Variants in ABCA13 observed in about 807,000 individuals in gnomAD.
ABCA13 encodes ATP-binding cassette sub-family A member 13.
Under a neutral mutation model 478.7 loss-of-function variants are expected in ABCA13, and 476 were observed. That is an observed-to-expected ratio of 0.99 (90% CI 0.92 to 1.07). The LOEUF is 1.07. Ranked by LOEUF, ABCA13 falls within the 50% of genes least tolerant of loss-of-function variation. The probability of loss-of-function intolerance (pLI) is 0.00; values close to 1 mark genes in which losing one functional copy is unlikely to be tolerated. For missense variants in ABCA13, 6,060 were observed against 5,910.6 expected (o/e 1.03, Z -0.83); for synonymous variants, 2,252 against 2,158.9 (o/e 1.04, Z -1.20).
intron 23 of ABCA13, among the ~76,000 whole-genome samples, chr7:48,303,881 C>A (rs1392305002): frequency 6.6e-6 from 1 of 152,132 alleles, no homozygotes; most frequent in African/African-American, 2.4e-5. Context: ...AGAAAGATTA[C>A]CATGGCATAG....
chr7:48,204,725 A>G (rs913190204), intron 3 of ABCA13, among the ~76,000 whole-genome samples: 2 of 152,062 alleles, frequency 1.3e-5, no homozygotes, highest in Non-Finnish European at 2.9e-5. Context: ...ACACAGCCCA[A>G]GGTCTTCCTC....
intron 2 of ABCA13, among the ~76,000 whole-genome samples, chr7:48,196,114 G>A (rs1797894296): frequency 6.6e-6 from 1 of 152,146 alleles, no homozygotes; most frequent in South Asian, 2.1e-4. Context: ...GCAAAATTGT[G>A]AATGATTTAG....
chr7:48,442,903 G>A (rs773410219), intron 42 of ABCA13, among the ~76,000 whole-genome samples: 24 of 152,170 alleles, frequency 1.6e-4, no homozygotes, highest in Non-Finnish European at 2.6e-4. Context: ...TGCGCTGGTG[G>A]TACGGACTGA....
At position 48,396,197 on chromosome 7, in the gene ABCA13, C is replaced by G. The variant is rs543370379; in HGVS notation, c.11873+4058C>G. 1.2e-4 allele frequency among the ~76,000 whole-genome samples: 19 copies of G among 152,348 alleles called. No individual in the cohort carries two copies. In the East Asian group the frequency reaches 2.1e-3, roughly 17 times the overall value. On this transcript the variant is annotated intron_variant, in intron 38 of 61. Coordinates refer to ENST00000435803, the MANE Select transcript of ABCA13 (RefSeq NM_152701.5). ...TGAGATCCTTCAAGGACCAGATCCC[C>G]TCCCACCATGGCCTTGGGATGTTGT...
chr7:48,455,423 C>G, intron 43 of ABCA13, 137 bp downstream of exon 43: 3 of 1,296,430 alleles, frequency 2.3e-6, no homozygotes, highest in Non-Finnish European at 3.1e-6. Flanking sequence ...TCTGAATTCA[C>G]GAGGAGATCC....
chr7:48,633,941 T>TACATAGAC (rs1264179766), intron 59 of ABCA13, among the ~76,000 whole-genome samples: 6 of 106,098 alleles, frequency 5.7e-5, no homozygotes, highest in Non-Finnish European at 1.3e-4. Flanking sequence ...CATAGATAGA[T>TACATAGAC]AGATAGATAG....
intron 39 of ABCA13, among the ~76,000 whole-genome samples, chr7:48,405,138 C>G (rs1197107082): frequency 6.6e-6 from 1 of 152,182 alleles, no homozygotes; most frequent in Non-Finnish European, 1.5e-5. Context: ...ACAGGGCTTG[C>G]TAGGCATGCT....
chr7:48,187,407 C>T (rs999304499), intron 1 of ABCA13, among the ~76,000 whole-genome samples: 4 of 151,658 alleles, frequency 2.6e-5, no homozygotes, highest in African/African-American at 4.8e-5. Flanking sequence ...TTTCAGTCTG[C>T]AGATGAAATC....
intron 26 of ABCA13, among the ~76,000 whole-genome samples, chr7:48,315,518 C>T (rs1347335411): frequency 4.0e-5 from 6 of 150,300 alleles, no homozygotes; most frequent in East Asian, 2.0e-4. Context: ...CTTGCCCTAT[C>T]GCCCAGGCTG....
intron 56 of ABCA13, among the ~76,000 whole-genome samples, chr7:48,586,269 T>C (rs1789168534): frequency 6.6e-6 from 1 of 152,104 alleles, no homozygotes; most frequent in South Asian, 2.1e-4. Flanking sequence ...ATAAGAAATA[T>C]TTCCCATTCT....
At chr7:48,191,562 C>A (rs996581395) in intron 1 of ABCA13, among the ~76,000 whole-genome samples, 2 of 152,136 alleles carry the variant, frequency 1.3e-5, no homozygotes, top group Admixed American at 6.5e-5. Context: ...TGCCACCATG[C>A]CTGGCTAATT....
intron 23 of ABCA13, among the ~76,000 whole-genome samples, chr7:48,305,939 A>AT (rs1446319750): frequency 1.3e-5 from 2 of 152,214 alleles, no homozygotes; most frequent in Non-Finnish European, 2.9e-5. Context: ...GCATTAGCCT[A>AT]TGCAAAGCCC....
intron 3 of ABCA13, among the ~76,000 whole-genome samples, chr7:48,207,585 A>G (rs943278818): frequency 6.6e-6 from 1 of 152,018 alleles, no homozygotes; most frequent in Non-Finnish European, 1.5e-5. Context: ...CTAGTGACCC[A>G]TTTGTATGTC....
At chr7:48,462,452 C>T (rs185598375) in intron 43 of ABCA13, among the ~76,000 whole-genome samples, 15 of 151,894 alleles carry the variant, frequency 9.9e-5, no homozygotes, top group African/African-American at 2.4e-4. Flanking sequence ...TTCCCCCCCC[C>T]CTACTGTTTC....
At chr7:48,300,494 G>A (rs906978606) in intron 23 of ABCA13, among the ~76,000 whole-genome samples, 1 of 152,164 alleles carries the variant, frequency 6.6e-6, no homozygotes, top group Admixed American at 6.5e-5. Context: ...ACAACAATGA[G>A]GACAGGTGGT....
rs773172083 is a variant in ABCA13 at position 48,615,382 on chromosome 7, G to A, written c.14837+5G>A. On this transcript the variant is annotated splice_donor_5th_base_variant and intron_variant, in intron 59 of 61. Transcript: ENST00000435803. The stretch of plus-strand genomic sequence containing the variant: ...TCCTCAGCACATCAAAAATAGGTGC[G>A]TTGAAGTTCTCCTTTTGCTTAGATA... 11 of 1,557,182 alleles carry A rather than the reference G, an allele frequency of 7.1e-6. No individual in the cohort carries two copies. The highest frequency in any genetic ancestry group is 5.8e-5 in the Admixed American group (3 of 51,994).
At chr7:48,388,007 C>T in intron 36 of ABCA13, 48 bp downstream of exon 36, 3 of 1,567,654 alleles carry the variant, frequency 1.9e-6, no homozygotes, top group Non-Finnish European at 2.6e-6. Context: ...TCCTTTGATC[C>T]ATTTTGATTT....
At chr7:48,492,291 C>T (rs1289459677) in intron 48 of ABCA13, among the ~76,000 whole-genome samples, 1 of 152,152 alleles carries the variant, frequency 6.6e-6, no homozygotes, top group East Asian at 1.9e-4. Flanking sequence ...GACTGCCTGT[C>T]TTCTCCTGCA....
intron 35 of ABCA13, among the ~76,000 whole-genome samples, chr7:48,381,291 G>C (rs1814331423): frequency 6.6e-6 from 1 of 151,828 alleles, no homozygotes. Flanking sequence ...TGGGTAGGAG[G>C]GTGTCTCCAG....
Sources: gnomAD v4.1 joint callset for allele counts (sites outside exome capture counted in the v4.1 genomes callset) on GRCh38, gnomAD v4.1.1 for gene constraint, MANE v1.5 for transcripts, NCBI Gene and HGNC (gene_info 2026-07-23, HGNC 2026-07-21) for gene names.